FOXO1: variants seen among roughly 807,000 people sequenced by gnomAD.
FOXO1 encodes forkhead box protein O1.
Under a neutral mutation model 44.1 loss-of-function variants are expected in FOXO1, and 6 were observed. The ratio of observed to expected loss-of-function variants is 0.14; its 90% CI spans 0.07 to 0.27. The LOEUF is 0.27. Among genes scored for constraint, FOXO1 ranks in the 10% least tolerant of loss-of-function variants. FOXO1 has a pLI of 1.00. For missense variants in FOXO1, 737 were observed against 888.8 expected (o/e 0.83, Z 2.17); for synonymous variants, 380 against 362.7 (o/e 1.05, Z -0.54).
rs1873919081 is a variant in FOXO1 at position 40,559,966 on chromosome 13, T to C, written c.1525A>G (p.Ser509Gly). 1 of 1,614,046 alleles carries C rather than the reference T, an allele frequency of 6.2e-7. No individual in the cohort carries two copies. Among genetic ancestry groups the C allele is most frequent in the Admixed American group, 1.7e-5 (1 of 59,990 alleles). Residue 509 changes from serine (S) to glycine (G), a missense_variant, in exon 2 of 3, where the codon AGC (serine) becomes GGC (glycine). Ser to Gly is a moderately conservative substitution (Grantham distance 56, BLOSUM62 0). Coordinates refer to ENST00000379561, the MANE Select transcript of FOXO1 (RefSeq NM_002015.4). ...ATCATTTTGTTATGAGATGCCTGGC[T>C]GCCATAGGTTGACATGACCGAATTA... is the stretch of plus-strand genomic sequence containing the variant. ...GPNSVMSTYG[S>G]QASHNKMMNP... is the part of the protein sequence containing the mutation.
chr13:40,640,761 G>A (rs1420222052), intron 1 of FOXO1, among the ~76,000 whole-genome samples: 6 of 106,972 alleles, frequency 5.6e-5, no homozygotes, highest in Non-Finnish European at 8.9e-5. Flanking sequence ...TATTTCTTTT[G>A]TTGTTGTTGT....
chr13:40,570,268 C>A (rs574489944), intron 1 of FOXO1, among the ~76,000 whole-genome samples: 2 of 151,874 alleles, frequency 1.3e-5, no homozygotes, highest in Non-Finnish European at 2.9e-5. Context: ...CAAGATCGCG[C>A]CACTGCACTC....
At chr13:40,568,409 C>T (rs780644247) in intron 1 of FOXO1, among the ~76,000 whole-genome samples, 4 of 152,190 alleles carry the variant, frequency 2.6e-5, no homozygotes, top group Non-Finnish European at 4.4e-5. Context: ...ACCAGCTCTT[C>T]CTGCACTTCC....
At chr13:40,615,469 T>G (rs374653065) in intron 1 of FOXO1, among the ~76,000 whole-genome samples, 3 of 151,798 alleles carry the variant, frequency 2.0e-5, no homozygotes, top group Admixed American at 1.3e-4. Context: ...GAGGTGGAGG[T>G]TGCAGTGAGC....
At chr13:40,656,870 G>A (rs762357836) in intron 1 of FOXO1, among the ~76,000 whole-genome samples, 5 of 148,236 alleles carry the variant, frequency 3.4e-5, no homozygotes, top group African/African-American at 7.5e-5. Flanking sequence ...TCTCTCTGTC[G>A]CCCAGGCTGG....
At chr13:40,580,072 CT>C (rs1476726086) in intron 1 of FOXO1, among the ~76,000 whole-genome samples, 1 of 152,052 alleles carries the variant, frequency 6.6e-6, no homozygotes, top group Admixed American at 6.6e-5. Flanking sequence ...TGTAGATTAC[CT>C]TTGCATGTTG....
chr13:40,608,033 CA>C (rs35014756), intron 1 of FOXO1, among the ~76,000 whole-genome samples: 57,245 of 152,094 alleles, frequency 0.38, 11,525 homozygotes, highest in East Asian at 0.75. Context: ...ACATTCGGTC[CA>C]ACATCCATAT....
chr13:40,604,606 AAAG>A (rs1875931487), intron 1 of FOXO1, among the ~76,000 whole-genome samples: 1 of 152,156 alleles, frequency 6.6e-6, no homozygotes, highest in Non-Finnish European at 1.5e-5. Context: ...GAACTAACTG[AAAG>A]GTGATGCTAC....
intron 1 of FOXO1, chr13:40,611,172 G>A (rs7331212): frequency 0.21 from 81,501 of 389,108 alleles, 9,417 homozygotes; most frequent in Non-Finnish European, 0.26. Flanking sequence ...AGAACAATGA[G>A]TTTTGTTCTA....
intron 1 of FOXO1, among the ~76,000 whole-genome samples, chr13:40,609,774 A>T (rs1403490706): frequency 1.3e-5 from 2 of 152,132 alleles, no homozygotes; most frequent in Non-Finnish European, 2.9e-5. Flanking sequence ...AACTCAAGGG[A>T]TTCATGACCT....
At chr13:40,658,941 G>A (rs1354477452) in intron 1 of FOXO1, among the ~76,000 whole-genome samples, 1 of 152,112 alleles carries the variant, frequency 6.6e-6, no homozygotes, top group East Asian at 1.9e-4. Flanking sequence ...GAACCCGGGA[G>A]GCGGAGCTTG....
At chr13:40,646,475 C>T (rs1009267884) in intron 1 of FOXO1, among the ~76,000 whole-genome samples, 1 of 152,154 alleles carries the variant, frequency 6.6e-6, no homozygotes, top group Admixed American at 6.5e-5. Flanking sequence ...GTGCCGTGAG[C>T]TGCGCCCAGC....
At chr13:40,627,455 TGAG>T (rs1312727336) in intron 1 of FOXO1, among the ~76,000 whole-genome samples, 7 of 152,138 alleles carry the variant, frequency 4.6e-5, no homozygotes, top group Non-Finnish European at 7.4e-5. Flanking sequence ...GGATTCTGTA[TGAG>T]GAGAAAAATG....
intron 1 of FOXO1, among the ~76,000 whole-genome samples, chr13:40,595,424 G>T (rs146684505): frequency 6.6e-6 from 1 of 152,212 alleles, no homozygotes; most frequent in East Asian, 1.9e-4. Flanking sequence ...CTGGGGGTGG[G>T]CCTGAGATTT....
chr13:40,639,978 C>A (rs932964627), intron 1 of FOXO1, among the ~76,000 whole-genome samples: 8 of 152,204 alleles, frequency 5.3e-5, no homozygotes, highest in Non-Finnish European at 1.5e-5. Flanking sequence ...GAAAACCTAT[C>A]CTTAAATGTT....
intron 1 of FOXO1, among the ~76,000 whole-genome samples, chr13:40,606,117 A>C (rs1355504935): frequency 6.6e-6 from 1 of 152,182 alleles, no homozygotes; most frequent in Admixed American, 6.5e-5. Context: ...TTGAAGCTCA[A>C]AATAACCTCC....
intron 1 of FOXO1, among the ~76,000 whole-genome samples, chr13:40,660,356 A>T (rs1280754323): frequency 6.6e-6 from 1 of 152,212 alleles, no homozygotes; most frequent in Non-Finnish European, 1.5e-5. Flanking sequence ...ATATAGGCCA[A>T]AAAAATGGCT....
intron 1 of FOXO1, among the ~76,000 whole-genome samples, chr13:40,611,926 G>A (rs1876247935): frequency 6.6e-6 from 1 of 151,996 alleles, no homozygotes; most frequent in African/African-American, 2.4e-5. Flanking sequence ...TACAAAAAAT[G>A]AGCCATGTGT....
chr13:40,563,970 T>G (rs1298157486), intron 1 of FOXO1, among the ~76,000 whole-genome samples: 1 of 152,216 alleles, frequency 6.6e-6, no homozygotes, highest in Non-Finnish European at 1.5e-5. Context: ...TTTTGTTCTT[T>G]GAACACAATA....
Sources: gnomAD v4.1 joint callset for allele counts (sites outside exome capture counted in the v4.1 genomes callset) on GRCh38, gnomAD v4.1.1 for gene constraint, MANE v1.5 for transcripts, NCBI Gene and HGNC (gene_info 2026-07-23, HGNC 2026-07-21) for gene names.